The following LRRC74A variants were observed in gnomAD, a reference collection of about 807,000 sequenced individuals.
LRRC74A encodes leucine-rich repeat-containing protein 74A.
LRRC74A carries 44 observed loss-of-function variants against 57.9 expected under a neutral mutation model. The observed-to-expected ratio is 0.76, with a 90% CI of 0.60 to 0.98. LRRC74A has a LOEUF of 0.98. LRRC74A is among the 50% of genes least tolerant of loss of function. The probability of loss-of-function intolerance (pLI) is 0.00; values close to 1 mark genes in which losing one functional copy is unlikely to be tolerated. For synonymous variants in LRRC74A, 211 were observed against 219.4 expected (o/e 0.96, Z 0.34); for missense variants, 572 against 574.0 (o/e 1.00, Z 0.04).
intron 10 of LRRC74A, among the ~76,000 whole-genome samples, chr14:76,857,794 C>T (rs765951904): frequency 1.3e-5 from 2 of 152,220 alleles, no homozygotes; most frequent in Non-Finnish European, 2.9e-5. Flanking sequence ...TCTTTAACAT[C>T]AGCTTTGCAG....
At chr14:76,862,915 C>G (rs1898430341) in intron 11 of LRRC74A, among the ~76,000 whole-genome samples, 1 of 152,116 alleles carries the variant, frequency 6.6e-6, no homozygotes, top group Non-Finnish European at 1.5e-5. Flanking sequence ...CCATCGGGAA[C>G]AGGGGGCCGG....
rs1195894350 is a variant in LRRC74A, at chr14:76,837,923, G to A, written c.496G>A (p.Asp166Asn). The A allele has an allele frequency of 2.5e-6, 4 of 1,591,022 alleles. No homozygotes were observed. In the African/African-American group the frequency reaches 5.4e-5, roughly 21 times the overall value. Residue 166 changes from aspartate to asparagine, a missense_variant, in exon 5 of 14, where the codon GAT (aspartate) becomes AAT (asparagine). Asp to Asn is a conservative substitution (Grantham distance 23). Coordinates refer to ENST00000689127, the MANE Select transcript of LRRC74A (RefSeq NM_001385106.1). ...LGLEGARIIS[D>N]FFERNSSSIW... ...TTTGGAGGGGGCCAGAATCATCTCAGATTTCTTTGAGAGAAACAGTTCTTC... is the reference window on the plus strand; with the variant it reads ...TTTGGAGGGGGCCAGAATCATCTCAAATTTCTTTGAGAGAAACAGTTCTTC...
Position 76,866,072 on chromosome 14 carries a change from A to AG in LRRC74A, c.1306dup (p.Glu436GlyfsTer21). 1 of 1,543,574 alleles carries AG rather than the reference A, an allele frequency of 6.5e-7. No individual in the cohort carries two copies. The highest frequency in any genetic ancestry group is 8.9e-7 in the Non-Finnish European group (1 of 1,123,746). ...TGGATGAGTTCCAGAAAGTGATGATAGAGGTGTGCTGGGTCCTAGTGGCAA... is the reference window on the plus strand; with the variant it reads ...TGGATGAGTTCCAGAAAGTGATGATAGGAGGTGTGCTGGGTCCTAGTGGCAA... On this transcript the variant is annotated frameshift_variant, in exon 12 of 14. Coordinates refer to ENST00000689127, the MANE Select transcript of LRRC74A (RefSeq NM_001385106.1). LOFTEE classifies it high-confidence loss of function.
At chr14:76,861,715 A>G (rs1898324729) in intron 11 of LRRC74A, among the ~76,000 whole-genome samples, 1 of 152,222 alleles carries the variant, frequency 6.6e-6, no homozygotes, top group African/African-American at 2.4e-5. Context: ...TGTCTTGCAG[A>G]ACAGTGCTCA....
chr14:76,828,888 C>A, intron 2 of LRRC74A: 1 of 643,782 alleles, frequency 1.6e-6, no homozygotes, highest in Non-Finnish European at 2.3e-6. Context: ...GATGGTTCTG[C>A]CTTCTGTATT....
At position 76,866,032 on chromosome 14, in the gene LRRC74A, C is replaced by T; in HGVS notation, c.1265C>T (p.Thr422Ile). 1 of 1,597,594 alleles carries T rather than the reference C, an allele frequency of 6.3e-7. No homozygotes were observed. ...TTCAAGAGCTTGAACCCCACTGGGA[C>T]AATGAAGATGTCTGTGGATGAGTTC... The part of the protein sequence containing the change: ...DFFKSLNPTG[T>I]MKMSVDEFQK... The change falls in exon 12 of 14, where the codon ACA becomes ATA. Residue 422 changes from threonine (T) to isoleucine (I), a missense_variant. Transcript: ENST00000689127.
intron 7 of LRRC74A, among the ~76,000 whole-genome samples, chr14:76,845,665 GACA>G (rs945248286): frequency 1.3e-4 from 20 of 152,284 alleles, no homozygotes; most frequent in African/African-American, 4.6e-4. Context: ...TCCCATATTT[GACA>G]ACAATACATT....
At chr14:76,854,941 C>T (rs1017458575) in intron 9 of LRRC74A, among the ~76,000 whole-genome samples, 19 of 152,122 alleles carry the variant, frequency 1.2e-4, no homozygotes, top group Admixed American at 9.8e-4. Context: ...AAAACTGAGG[C>T]TGTGTGATTG....
intron 10 of LRRC74A, 40 bp from the exon 11 acceptor site, chr14:76,860,653 G>A (rs752693775): frequency 6.4e-7 from 1 of 1,557,466 alleles, no homozygotes; most frequent in East Asian, 2.3e-5. Context: ...CACGATGGCA[G>A]TGCCCTCATC....
chr14:76,828,550 A>C (rs1295085382), intron 2 of LRRC74A, 131 bp downstream of exon 2: 1 of 1,409,812 alleles, frequency 7.1e-7, no homozygotes, highest in East Asian at 2.3e-5. Context: ...GAAATGTGGC[A>C]GAAAGGCCTG....
In LRRC74A at chr14:76,863,391, C is replaced by T. The variant is rs1595398654; in HGVS notation, c.1200+2552C>T. Among the ~76,000 whole-genome samples the T allele has an allele frequency of 2.0e-5, 3 of 152,134 alleles. No homozygotes were observed. The South Asian group carries it at 6.2e-4, about 32-fold the overall frequency. ...CCCCACTGGATTGCTTCCGGATCCT[C>T]TTTGCATCAGCTCTCCCTTCACTGC... On this transcript the variant is annotated intron_variant, in intron 11 of 13. Coordinates refer to ENST00000689127, the MANE Select transcript of LRRC74A (RefSeq NM_001385106.1).
At chr14:76,832,922 C>T (rs924971255) in intron 3 of LRRC74A, among the ~76,000 whole-genome samples, 2 of 152,202 alleles carry the variant, frequency 1.3e-5, no homozygotes, top group African/African-American at 4.8e-5. Context: ...GGTCAGAGAG[C>T]AGCTGACCTC....
At position 76,854,910 on chromosome 14, in the gene LRRC74A, T is replaced by C. The variant is rs150250253; in HGVS notation, c.957+1500T>C. 8.9e-3 allele frequency among the ~76,000 whole-genome samples: 1,356 copies of C among 152,276 alleles called. 10 individuals are homozygous for C. The highest frequency in any genetic ancestry group is 0.013 in the Non-Finnish European group (890 of 68,018). On this transcript the variant is annotated intron_variant, in intron 9 of 13. Transcript: ENST00000689127. ...CCTCACCTGGTAATGTGGGCTCTGT[T>C]AGCCCCACTTGTCAGATGAGAAAAC...
intron 9 of LRRC74A, among the ~76,000 whole-genome samples, chr14:76,856,226 C>G (rs376252364): frequency 2.0e-5 from 3 of 152,128 alleles, no homozygotes; most frequent in East Asian, 1.9e-4. Flanking sequence ...CTGGTTTTGC[C>G]CCCCTTCCTC....
intron 2 of LRRC74A, among the ~76,000 whole-genome samples, chr14:76,829,742 T>C (rs72737551): frequency 1.4e-3 from 216 of 152,260 alleles, no homozygotes; most frequent in Non-Finnish European, 9.9e-4. Context: ...CACCAAAAAC[T>C]CTGTCCTGAA....
chr14:76,846,981 T>C (rs544924239), intron 7 of LRRC74A, among the ~76,000 whole-genome samples: 2 of 151,954 alleles, frequency 1.3e-5, no homozygotes, highest in Non-Finnish European at 2.9e-5. Flanking sequence ...AGTCAGGGAG[T>C]GTAGACAGAG....
intron 8 of LRRC74A, 75 bp from the exon 9 acceptor site, chr14:76,853,141 A>C: frequency 7.2e-7 from 1 of 1,384,848 alleles, no homozygotes; most frequent in Non-Finnish European, 1.0e-6. Flanking sequence ...AACAGGGGGT[A>C]GAAATCGGGA....
intron 11 of LRRC74A, among the ~76,000 whole-genome samples, chr14:76,863,646 C>A (rs1595399298): frequency 6.6e-6 from 1 of 152,162 alleles, no homozygotes; most frequent in Admixed American, 6.5e-5. Context: ...TGTGTGGGGT[C>A]TTAGTAGTAG....
intron 11 of LRRC74A, among the ~76,000 whole-genome samples, chr14:76,864,423 G>T (rs1898593304): frequency 4.8e-5 from 1 of 20,872 alleles, no homozygotes; most frequent in African/African-American, 1.8e-4. Flanking sequence ...GGGGGGGGGG[G>T]TGGCGGGGGG....
Sources: allele counts gnomAD v4.1 joint callset (sites outside exome capture counted in the v4.1 genomes callset), GRCh38; gene constraint gnomAD v4.1.1; transcripts MANE v1.5; gene names NCBI Gene and HGNC (gene_info 2026-07-23, HGNC 2026-07-21).